Variants in PPP1R1C observed in about 807,000 individuals in gnomAD.
PPP1R1C encodes the protein protein phosphatase 1 regulatory inhibitor subunit 1C.
A neutral mutation model predicts 17.4 loss-of-function variants in PPP1R1C; 15 were observed. The ratio of observed to expected loss-of-function variants is 0.86; its 90% CI spans 0.58 to 1.33. The LOEUF is 1.33. PPP1R1C is among the 40% of genes most tolerant of loss of function. PPP1R1C has a pLI of 0.00. For synonymous variants in PPP1R1C, 35 were observed against 43.1 expected (o/e 0.81, Z 0.73); for missense variants, 143 against 130.0 (o/e 1.10, Z -0.48).
chr2:182,053,491 C>CT (rs1321901728), intron 2 of PPP1R1C, among the ~76,000 whole-genome samples: 2 of 152,044 alleles, frequency 1.3e-5, no homozygotes, highest in Non-Finnish European at 2.9e-5. Flanking sequence ...ACTTCCATGC[C>CT]TTTGCCTTTG....
At chr2:181,982,343 A>C (rs1460488057), upstream of PPP1R1C, among the ~76,000 whole-genome samples, 1 of 152,180 alleles carries the variant, frequency 6.6e-6, no homozygotes, top group Non-Finnish European at 1.5e-5. Flanking sequence ...AGGGTGAGCC[A>C]TAGTCTTTTG....
chr2:182,074,731 A>G (rs1559082258), intron 4 of PPP1R1C, among the ~76,000 whole-genome samples: 2 of 152,176 alleles, frequency 1.3e-5, no homozygotes, highest in African/African-American at 2.4e-5. Context: ...CAGTTTTATT[A>G]ATTCCTTTCT....
intron 4 of PPP1R1C, among the ~76,000 whole-genome samples, chr2:182,116,564 G>C (rs547507969): frequency 6.6e-6 from 1 of 152,240 alleles, no homozygotes; most frequent in East Asian, 1.9e-4. Flanking sequence ...GGTTAGTGTT[G>C]TTAAGTGTAA....
chr2:182,061,115 G>T (rs941300327), intron 2 of PPP1R1C, among the ~76,000 whole-genome samples: 2 of 152,104 alleles, frequency 1.3e-5, no homozygotes, highest in Admixed American at 1.3e-4. Flanking sequence ...AGGAGAGGAG[G>T]TTCCTGACAC....
At chr2:182,075,106 A>G (rs1036744349) in intron 4 of PPP1R1C, among the ~76,000 whole-genome samples, 16 of 152,238 alleles carry the variant, frequency 1.1e-4, no homozygotes, top group African/African-American at 3.9e-4. Flanking sequence ...TGTATTCTAC[A>G]TTGCATCCTT....
intron 4 of PPP1R1C, among the ~76,000 whole-genome samples, chr2:182,110,403 T>C (rs948559774): frequency 6.6e-6 from 1 of 152,186 alleles, no homozygotes; most frequent in African/African-American, 2.4e-5. Flanking sequence ...GAAGACAATA[T>C]TATTCTAGTC....
chr2:182,107,890 T>C (rs1213301006), intron 4 of PPP1R1C, among the ~76,000 whole-genome samples: 1 of 151,920 alleles, frequency 6.6e-6, no homozygotes, highest in African/African-American at 2.4e-5. Context: ...GCCTTTCTGC[T>C]TGCTATTGTA....
Position 181,976,734 on chromosome 2 carries a change from T to C in PPP1R1C, n.157+1470T>C, listed in dbSNP as rs1352228331. Reference sequence around the variant, plus strand: ...GACATATTCAAGTCTGGTTCATCTATAAAATAAATCTAAAAAGCTCCACTC... The same window carrying C: ...GACATATTCAAGTCTGGTTCATCTACAAAATAAATCTAAAAAGCTCCACTC... On this transcript the variant is annotated intron_variant and non_coding_transcript_variant, in intron 2 of 5. Coordinates refer to the PPP1R1C transcript ENST00000464264. The surrounding 1 kb of genome is among the most constrained non-coding windows in gnomAD (Gnocchi z 4.8). 2.0e-5 allele frequency among the ~76,000 whole-genome samples: 3 copies of C among 152,166 alleles called. No homozygotes were observed. Among genetic ancestry groups the C allele is most frequent in the African/African-American group, 7.2e-5 (3 of 41,440 alleles).
chr2:182,090,797 C>A (rs1206730765), intron 4 of PPP1R1C, among the ~76,000 whole-genome samples: 3 of 152,082 alleles, frequency 2.0e-5, no homozygotes, highest in African/African-American at 7.2e-5. Flanking sequence ...TTTAAAAAGC[C>A]TTTTCAAAAA....
intron 2 of PPP1R1C, among the ~76,000 whole-genome samples, chr2:182,056,497 C>T (rs1179776243): frequency 1.3e-5 from 2 of 152,036 alleles, no homozygotes; most frequent in African/African-American, 4.8e-5. Context: ...TATTGGAAGC[C>T]CTCCAATTTC....
At chr2:182,126,330 C>G (rs960531165) in intron 5 of PPP1R1C, among the ~76,000 whole-genome samples, 12 of 151,806 alleles carry the variant, frequency 7.9e-5, no homozygotes, top group African/African-American at 9.7e-5. Flanking sequence ...AGAAGAAATG[C>G]CTTTACTTAT....
intron 2 of PPP1R1C, among the ~76,000 whole-genome samples, chr2:182,004,020 A>G (rs1313558091): frequency 6.6e-6 from 1 of 152,132 alleles, no homozygotes; most frequent in Non-Finnish European, 1.5e-5. Flanking sequence ...TTGAAGCATC[A>G]CGGCTCTGAC....
At chr2:182,066,284 TG>T (rs1251213750) in intron 4 of PPP1R1C, among the ~76,000 whole-genome samples, 2 of 152,170 alleles carry the variant, frequency 1.3e-5, no homozygotes, top group African/African-American at 4.8e-5. Flanking sequence ...TCAATTGAAT[TG>T]CCTATGTTGG....
In PPP1R1C at chr2:182,117,678, C is replaced by G. The variant is rs1279946073; in HGVS notation, c.*383C>G. ...TTAAGAGTAAAAAATAAATAGTAAA[C>G]ACATTTAGACATGAGTGTGTGTGTG... is the stretch of plus-strand genomic sequence containing the variant. On this transcript the variant is annotated 3_prime_UTR_variant, in exon 5 of 5. Coordinates refer to ENST00000682840, the MANE Select transcript of PPP1R1C (RefSeq NM_001080545.3). The G allele has an allele frequency of 6.8e-6, 1 of 147,492 alleles. No homozygotes were observed. Among genetic ancestry groups the G allele is most frequent in the Non-Finnish European group, 1.4e-5 (1 of 73,152 alleles). The allele number at this position is 147,492 out of a possible 1,614,324, so 9.1% of individuals were successfully genotyped here.
chr2:181,987,847 A>G lies in PPP1R1C; in HGVS notation c.90A>G (p.Lys30=). The part of the protein sequence containing the change: ...IAPEAAEQIR[K]RRPTPASLVI... Reference sequence around the variant, plus strand: ...GCTTTTGTCGTTCACAGATCAGGAAAAGAAGACCTACACCAGCATCACTTG... The same window carrying G: ...GCTTTTGTCGTTCACAGATCAGGAAGAGAAGACCTACACCAGCATCACTTG... Residue 30 remains lysine (K), a synonymous_variant, in exon 2 of 5, where the codon AAA becomes AAG. Transcript: ENST00000682840. The G allele has an allele frequency of 6.2e-7, 1 of 1,613,504 alleles. No homozygotes were observed. The highest frequency in any genetic ancestry group is 8.5e-7 in the Non-Finnish European group (1 of 1,179,576).
In PPP1R1C at chr2:182,117,379, C is replaced by G; in HGVS notation, c.*84C>G. The G allele has an allele frequency of 1.0e-6, 1 of 955,996 alleles. No homozygotes were observed. Among genetic ancestry groups the G allele is most frequent in the Non-Finnish European group, 1.6e-6 (1 of 625,994 alleles). 59.2% of individuals were successfully genotyped at this position (955,996 alleles called of 1,614,324 possible). ...TATACCATGGAATTCCACTGCTTGA[C>G]TTCCAGAAGCATCCTCCATCTCTGC... On this transcript the variant is annotated 3_prime_UTR_variant, in exon 5 of 5. Transcript: ENST00000682840.
intron 1 of PPP1R1C, among the ~76,000 whole-genome samples, chr2:181,970,952 G>A (rs764061189): frequency 6.6e-6 from 1 of 152,030 alleles, no homozygotes; most frequent in Non-Finnish European, 1.5e-5. Context: ...CCAGGCCTGG[G>A]CTGTCCCTTC....
intron 2 of PPP1R1C, among the ~76,000 whole-genome samples, chr2:182,024,891 A>C (rs541088054): frequency 4.0e-4 from 60 of 151,758 alleles, no homozygotes; most frequent in African/African-American, 1.4e-3. Context: ...CAAACAAACA[A>C]AAATACTAGC....
At chr2:182,002,086 A>G (rs971362590) in intron 2 of PPP1R1C, among the ~76,000 whole-genome samples, 2 of 152,170 alleles carry the variant, frequency 1.3e-5, no homozygotes, top group Non-Finnish European at 2.9e-5. Context: ...TTGTATAACA[A>G]TGAGCTTATA....
Sources: gnomAD v4.1 joint callset for allele counts (sites outside exome capture counted in the v4.1 genomes callset) on GRCh38, gnomAD v4.1.1 for gene constraint, Gnocchi (gnomAD v3.1) non-coding constraint, MANE v1.5 for transcripts, NCBI Gene and HGNC (gene_info 2026-07-23, HGNC 2026-07-21) for gene names.